Variants in C3orf70 observed in about 807,000 individuals in gnomAD.
C3orf70 encodes the protein chromosome 3 open reading frame 70.
Under a neutral mutation model 20.7 loss-of-function variants are expected in C3orf70, and 15 were observed. That is an observed-to-expected ratio of 0.72 (90% CI 0.48 to 1.11). The LOEUF is 1.11. Among genes scored for constraint, C3orf70 ranks in the 50% most tolerant of loss-of-function variants. The pLI is 0.00. For missense variants in C3orf70, 332 were observed against 317.6 expected (o/e 1.05, Z -0.34); for synonymous variants, 161 against 125.7 (o/e 1.28, Z -1.88).
chr3:185,087,464 C>G (rs752561276), intron 1 of C3orf70, among the ~76,000 whole-genome samples: 1 of 152,108 alleles, frequency 6.6e-6, no homozygotes, highest in African/African-American at 2.4e-5. Flanking sequence ...GTCATATACA[C>G]GTAAAATATA....
At chr3:185,107,160 C>T (rs1715961723) in intron 1 of C3orf70, among the ~76,000 whole-genome samples, 1 of 152,178 alleles carries the variant, frequency 6.6e-6, no homozygotes, top group Non-Finnish European at 1.5e-5. Context: ...TTCTCTATAG[C>T]ACTGGCCGTC....
chr3:185,092,226 T>C (rs1431090700), intron 1 of C3orf70, among the ~76,000 whole-genome samples: 10 of 152,058 alleles, frequency 6.6e-5, no homozygotes, highest in Non-Finnish European at 1.3e-4. Flanking sequence ...AGTAACTCAG[T>C]ATCTGGTGCA....
intron 1 of C3orf70, among the ~76,000 whole-genome samples, chr3:185,103,580 C>A (rs1447791510): frequency 2.0e-5 from 3 of 151,952 alleles, no homozygotes; most frequent in Non-Finnish European, 4.4e-5. Flanking sequence ...AGCCAACAAG[C>A]ATATGAAAAA....
chr3:185,133,787 A>G (rs908312372), intron 1 of C3orf70, among the ~76,000 whole-genome samples: 3 of 152,074 alleles, frequency 2.0e-5, no homozygotes, highest in African/African-American at 4.8e-5. Flanking sequence ...CATATATGCA[A>G]CAAAGTAGCA....
At chr3:185,124,501 G>A (rs984717140) in intron 1 of C3orf70, among the ~76,000 whole-genome samples, 2 of 152,120 alleles carry the variant, frequency 1.3e-5, no homozygotes, top group Non-Finnish European at 2.9e-5. Context: ...ACACAAATTT[G>A]TAAATAACAA....
rs1014908817 is a variant in C3orf70, at chr3:185,112,198, G to A, written c.197-28635C>T. 3.2e-4 allele frequency among the ~76,000 whole-genome samples: 49 copies of A among 152,324 alleles called. 1 individual carries two copies. Among genetic ancestry groups the A allele is most frequent in the African/African-American group, 1.1e-3 (47 of 41,580 alleles). ...CCAGCTACTTGGGAAGCTGAGGCAG[G>A]AGAATCGCTTGAACCTGGGAGGCGG... On this transcript the variant is annotated intron_variant, in intron 1 of 1. Coordinates refer to ENST00000335012, the MANE Select transcript of C3orf70 (RefSeq NM_001025266.3).
At chr3:185,107,245 A>G (rs532674170) in intron 1 of C3orf70, among the ~76,000 whole-genome samples, 12 of 152,306 alleles carry the variant, frequency 7.9e-5, no homozygotes, top group Admixed American at 7.2e-4. Flanking sequence ...CAAAGTAGTT[A>G]TATCTTGCAT....
chr3:185,101,634 C>T (rs1715826125), intron 1 of C3orf70, among the ~76,000 whole-genome samples: 1 of 152,080 alleles, frequency 6.6e-6, no homozygotes, highest in Admixed American at 6.6e-5. Flanking sequence ...ACATGGCTGG[C>T]AGGAGAGAAA....
intron 1 of C3orf70, among the ~76,000 whole-genome samples, chr3:185,094,252 A>G (rs1463838615): frequency 6.6e-6 from 1 of 151,622 alleles, no homozygotes; most frequent in East Asian, 1.9e-4. Context: ...TAGTTTTTAT[A>G]TTTTTGTAGA....
intron 1 of C3orf70, among the ~76,000 whole-genome samples, chr3:185,096,872 C>G (rs888152018): frequency 1.3e-5 from 2 of 152,216 alleles, no homozygotes; most frequent in African/African-American, 4.8e-5. Context: ...TGCAGAGGGC[C>G]GCTTCCTGCT....
chr3:185,123,532 G>T (rs1716350039), intron 1 of C3orf70, among the ~76,000 whole-genome samples: 1 of 148,760 alleles, frequency 6.7e-6, no homozygotes. Flanking sequence ...AAGAGATGAG[G>T]TCTCACTACG....
Position 185,152,769 on chromosome 3 carries a change from C to T in C3orf70, c.55G>A (p.Asp19Asn). Residue 19 changes from aspartate to asparagine, a missense_variant, in exon 1 of 2, where the codon GAT (aspartate) becomes AAT (asparagine). Asp to Asn is a conservative substitution (Grantham distance 23, BLOSUM62 1). Coordinates refer to ENST00000335012, the MANE Select transcript of C3orf70 (RefSeq NM_001025266.3). Reference protein sequence around the residue: ...SERGWKSEKLDEAQALARSCA... With the variant: ...SERGWKSEKLNEAQALARSCA... Reference sequence around the variant, plus strand: ...CTCCGCGCCAGGGCCTGAGCCTCATCTAGTTTCTCGCTCTTCCAACCCCGC... The same window carrying T: ...CTCCGCGCCAGGGCCTGAGCCTCATTTAGTTTCTCGCTCTTCCAACCCCGC... 1 of 1,584,960 alleles carries T rather than the reference C, an allele frequency of 6.3e-7. No individual in the cohort carries two copies. The highest frequency in any genetic ancestry group is 8.6e-7 in the Non-Finnish European group (1 of 1,166,358).
rs1384512557 is a variant in C3orf70, at chr3:185,082,961, C to CA, written c.*45dup. On this transcript the variant is annotated 3_prime_UTR_variant, in exon 2 of 2. Transcript: ENST00000335012. ...AAAAAGGATCCACCAGACAAAGGTA[C>CA]AAAAGCTCGGCGTGGGTCCGAGGCT... is the stretch of plus-strand genomic sequence containing the variant. The CA allele has an allele frequency of 1.3e-6, 2 of 1,566,992 alleles. No homozygotes were observed. Among genetic ancestry groups the CA allele is most frequent in the Non-Finnish European group, 1.7e-6 (2 of 1,155,494 alleles).
chr3:185,112,745 C>G (rs1260846671), intron 1 of C3orf70, among the ~76,000 whole-genome samples: 1 of 152,072 alleles, frequency 6.6e-6, no homozygotes, highest in African/African-American at 2.4e-5. Context: ...ATATTCATAC[C>G]CAATCTAATT....
intron 1 of C3orf70, among the ~76,000 whole-genome samples, chr3:185,097,894 G>C (rs1382123415): frequency 6.6e-6 from 1 of 152,230 alleles, no homozygotes; most frequent in Non-Finnish European, 1.5e-5. Flanking sequence ...TCCACGTTAT[G>C]TGTGTAGAAA....
chr3:185,077,789 T>TGGTGGG lies in C3orf70; in HGVS notation c.*5217_*5218insCCCACC, dbSNP rs1553918668. On this transcript the variant is annotated 3_prime_UTR_variant, in exon 2 of 2. Coordinates refer to ENST00000335012, the MANE Select transcript of C3orf70 (RefSeq NM_001025266.3). ...TGAAATAAATGCTATTTGGTGGTGGTGGGGGGGGGGTATCAAGTTTTATTT... is the reference window on the plus strand; with the variant it reads ...TGAAATAAATGCTATTTGGTGGTGGTGGTGGGGGGGGGGGGGTATCAAGTTTTATTT... Among the ~76,000 whole-genome samples, 1 of 124,180 alleles carries TGGTGGG rather than the reference T, an allele frequency of 8.1e-6. No individual in the cohort carries two copies. Among genetic ancestry groups the TGGTGGG allele is most frequent in the African/African-American group, 3.0e-5 (1 of 33,710 alleles). 81.5% of individuals were successfully genotyped at this position (124,180 alleles called of 152,430 possible).
At chr3:185,087,578 T>C (rs535974374) in intron 1 of C3orf70, among the ~76,000 whole-genome samples, 44 of 152,130 alleles carry the variant, frequency 2.9e-4, no homozygotes, top group Middle Eastern at 3.4e-3. Flanking sequence ...ACAAATACTC[T>C]GATTCCACTT....
intron 1 of C3orf70, among the ~76,000 whole-genome samples, chr3:185,105,383 G>T (rs1202770636): frequency 6.6e-6 from 1 of 152,246 alleles, no homozygotes; most frequent in African/African-American, 2.4e-5. Context: ...ACCGCTTAAA[G>T]CCATTCTTAA....
At chr3:185,085,803 A>C (rs1715447079) in intron 1 of C3orf70, among the ~76,000 whole-genome samples, 1 of 149,148 alleles carries the variant, frequency 6.7e-6, no homozygotes, top group Non-Finnish European at 1.5e-5. Context: ...CTCCCTCCAG[A>C]CCCTCCAGCC....
Sources: allele counts gnomAD v4.1 joint callset (sites outside exome capture counted in the v4.1 genomes callset), GRCh38; gene constraint gnomAD v4.1.1; transcripts MANE v1.5; gene names NCBI Gene and HGNC (gene_info 2026-07-23, HGNC 2026-07-21).